ITSN2: variants seen among roughly 807,000 people sequenced by gnomAD.
ITSN2 encodes intersectin 2, also known as intersectin-2.
A neutral mutation model predicts 243.7 loss-of-function variants in ITSN2; 156 were observed. The observed-to-expected ratio is 0.64, with a 90% CI of 0.56 to 0.73. The LOEUF is 0.73. ITSN2 is among the 30% of genes least tolerant of loss of function. The pLI, the probability that ITSN2 is intolerant of heterozygous loss-of-function variation, is 0.00. For missense variants in ITSN2, 1,801 were observed against 1,996.1 expected (o/e 0.90, Z 1.86); for synonymous variants, 703 against 699.9 (o/e 1.00, Z -0.07).
At chr2:24,305,258 AT>A (rs1462198188) in intron 8 of ITSN2, among the ~76,000 whole-genome samples, 1 of 152,172 alleles carries the variant, frequency 6.6e-6, no homozygotes, top group Non-Finnish European at 1.5e-5. Context: ...ATCTAAATAA[AT>A]TTTTAAAAAC....
intron 15 of ITSN2, among the ~76,000 whole-genome samples, chr2:24,288,221 T>C (rs1416732169): frequency 6.6e-6 from 1 of 152,124 alleles, no homozygotes; most frequent in East Asian, 1.9e-4. Flanking sequence ...TCCAATTTCA[T>C]TCTTTTGCAG....
Position 24,298,726 on chromosome 2 carries a change from T to C in ITSN2, c.1433A>G (p.Gln478Arg), listed in dbSNP as rs372590104. Residue 478 changes from glutamine (Q) to arginine (R), a missense_variant, in exon 13 of 40, where the codon CAA (glutamine) becomes CGA (arginine). Physicochemically the swap from Gln to Arg is conservative, Grantham distance 43. Transcript: ENST00000355123. ...AGAGTTTAACCTGACAATTTCTTCT[T>C]GTTCTCTATTCTTTTGATTGAGAAG... ...QELLNQKNRE[Q>R]EEIVRLNSKK... The C allele has an allele frequency of 9.3e-6, 15 of 1,612,972 alleles. No homozygotes were observed. The highest frequency in any genetic ancestry group is 1.6e-4 in the Middle Eastern group (1 of 6,082).
chr2:24,274,333 G>A (rs1293214426), intron 18 of ITSN2, among the ~76,000 whole-genome samples: 1 of 152,124 alleles, frequency 6.6e-6, no homozygotes, highest in Non-Finnish European at 1.5e-5. Context: ...ACTTTAGAAG[G>A]CCAAGGTGGG....
Position 24,281,176 on chromosome 2 carries a change from G to A in ITSN2, c.1944+3587C>T, listed in dbSNP as rs577736670. On this transcript the variant is annotated intron_variant, in intron 17 of 39. Transcript: ENST00000355123. ...CCCGAGTAGCTGGGATTAAAGGCGC[G>A]TGCCACCACACCCAGCTAATTTTTT... Among the ~76,000 whole-genome samples, 144 of 152,140 alleles carry A rather than the reference G, an allele frequency of 9.5e-4. 1 individual carries two copies. Among genetic ancestry groups the A allele is most frequent in the Middle Eastern group, 3.4e-3 (1 of 294 alleles).
At chr2:24,269,050 ACT>A (rs923605477) in intron 20 of ITSN2, among the ~76,000 whole-genome samples, 8 of 116,646 alleles carry the variant, frequency 6.9e-5, no homozygotes, top group Admixed American at 6.3e-4. Context: ...CTAACATTAA[ACT>A]CTCCTGTTTT....
At chr2:24,205,574 T>G (rs980410484) in intron 37 of ITSN2, 2 of 386,364 alleles carry the variant, frequency 5.2e-6, no homozygotes, top group Middle Eastern at 8.3e-4. Context: ...CCCAGATCCC[T>G]TCCCTCCTCT....
At chr2:24,327,283 ATTTTCTTTTTCT>A (rs752889542) in intron 2 of ITSN2, among the ~76,000 whole-genome samples, 3 of 151,728 alleles carry the variant, frequency 2.0e-5, no homozygotes, top group South Asian at 2.1e-4. Flanking sequence ...TTACCTAAGC[ATTTTCTTTTTCT>A]TTTTCTTTTT....
chr2:24,322,715 A>G (rs76593134), intron 2 of ITSN2, among the ~76,000 whole-genome samples: 5,481 of 152,332 alleles, frequency 0.036, 125 homozygotes, highest in Non-Finnish European at 0.057. Context: ...AAATATTTTG[A>G]CAAACTGGAC....
At chr2:24,212,617 A>G in intron 33 of ITSN2, 33 bp downstream of exon 33, 1 of 1,549,688 alleles carries the variant, frequency 6.5e-7, no homozygotes, top group Non-Finnish European at 8.8e-7. Context: ...CCTGCTCCTA[A>G]CTCAGACCCC....
intron 1 of ITSN2, among the ~76,000 whole-genome samples, chr2:24,341,911 G>C (rs1249049155): frequency 2.0e-5 from 3 of 152,156 alleles, no homozygotes; most frequent in East Asian, 1.9e-4. Context: ...TTATTATAAG[G>C]CTTTAGTTTT....
intron 33 of ITSN2, among the ~76,000 whole-genome samples, chr2:24,212,138 G>C (rs1669544996): frequency 1.3e-5 from 2 of 152,202 alleles, no homozygotes; most frequent in Non-Finnish European, 2.9e-5. Flanking sequence ...AAGCTGGAAG[G>C]AATTTTAGAA....
chr2:24,345,752 C>G lies in ITSN2; in HGVS notation c.-34+14552G>C, dbSNP rs184664815. Among the ~76,000 whole-genome samples, 953 of 151,844 alleles carry G rather than the reference C, an allele frequency of 6.3e-3. 4 individuals are homozygous for G. The highest frequency in any genetic ancestry group is 0.022 in the African/African-American group (918 of 41,476). On this transcript the variant is annotated intron_variant, in intron 1 of 39. Coordinates refer to ENST00000355123, the MANE Select transcript of ITSN2 (RefSeq NM_006277.3). ...ATATTATATTAATAGTAAGCTTTTA[C>G]CTGTAACATATGCTATAAATGCTTT... is the stretch of plus-strand genomic sequence containing the variant.
rs1282926082 is a variant in ITSN2 at position 24,209,111 on chromosome 2, G to A, written c.4584C>T (p.Asn1528=). Residue 1528 remains asparagine, a synonymous_variant, in exon 36 of 40, where the codon AAC becomes AAT. Coordinates refer to ENST00000355123, the MANE Select transcript of ITSN2 (RefSeq NM_006277.3). ...IDRVYTLRTD[N]INERTAWVQK... ...TGGTCAGGACTGACCTCTCATTAATGTTGTCTGTTCGGAGGGTGTAGACCC... is the reference window on the plus strand; with the variant it reads ...TGGTCAGGACTGACCTCTCATTAATATTGTCTGTTCGGAGGGTGTAGACCC... 1 of 1,614,112 alleles carries A rather than the reference G, an allele frequency of 6.2e-7. No individual in the cohort carries two copies. Among genetic ancestry groups the A allele is most frequent in the Non-Finnish European group, 8.5e-7 (1 of 1,179,966 alleles).
chr2:24,345,305 G>C (rs1012677835), intron 1 of ITSN2, among the ~76,000 whole-genome samples: 28 of 152,052 alleles, frequency 1.8e-4, no homozygotes, highest in African/African-American at 6.5e-4. Flanking sequence ...AAAAGCAAAG[G>C]CTTCAAATAA....
At chr2:24,288,350 CTCTAT>C (rs1373398009) in intron 15 of ITSN2, among the ~76,000 whole-genome samples, 5 of 151,796 alleles carry the variant, frequency 3.3e-5, no homozygotes, top group African/African-American at 1.2e-4. Context: ...TTTTTGGGCT[CTCTAT>C]TCTATTTCAT....
chr2:24,307,562 T>C (rs1354541278), intron 8 of ITSN2, among the ~76,000 whole-genome samples: 1 of 152,242 alleles, frequency 6.6e-6, no homozygotes, highest in Non-Finnish European at 1.5e-5. Context: ...TTCCTTGACT[T>C]ATCCCCATGC....
At chr2:24,303,749 TA>T (rs778562806) in intron 9 of ITSN2, 49 bp downstream of exon 9, 1 of 1,138,520 alleles carries the variant, frequency 8.8e-7, no homozygotes, top group East Asian at 2.3e-5. Context: ...AGAGTTTAAT[TA>T]ATTAATGCAT....
intron 15 of ITSN2, among the ~76,000 whole-genome samples, chr2:24,287,789 T>C (rs1033791004): frequency 9.9e-5 from 15 of 152,162 alleles, no homozygotes; most frequent in African/African-American, 3.4e-4. Context: ...ATTTCCCTGA[T>C]GATTAATAAT....
intron 15 of ITSN2, among the ~76,000 whole-genome samples, chr2:24,287,299 T>G (rs561604928): frequency 3.3e-5 from 5 of 152,270 alleles, no homozygotes; most frequent in Admixed American, 3.3e-4. Flanking sequence ...ATAATTTATA[T>G]AACTACCTTT....
Sources: allele counts gnomAD v4.1 joint callset (sites outside exome capture counted in the v4.1 genomes callset), GRCh38; gene constraint gnomAD v4.1.1; transcripts MANE v1.5; gene names NCBI Gene and HGNC (gene_info 2026-07-23, HGNC 2026-07-21).